The following F8 variants were observed in gnomAD, a reference collection of about 807,000 sequenced individuals.
F8 encodes coagulation factor VIII.
In F8, 12 loss-of-function variants were observed where a neutral mutation model predicts 140.6. The observed-to-expected ratio is 0.09, with a 90% CI of 0.05 to 0.14. The LOEUF (loss-of-function observed/expected upper bound fraction) is 0.14. F8 is among the 10% of genes least tolerant of loss of function. The pLI is 1.00. For synonymous variants in F8, 585 were observed against 614.6 expected (o/e 0.95, Z 0.71); for missense variants, 1,354 against 1,720.7 (o/e 0.79, Z 3.77).
chrX:154,949,503 G>A lies in F8; in HGVS notation c.1904-1596C>T, dbSNP rs995033881. Among the ~76,000 whole-genome samples the A allele has an allele frequency of 5.4e-5, 6 of 111,939 alleles. No homozygotes were observed. The Admixed American group carries it at 5.7e-4, about 11-fold the overall frequency. On this transcript the variant is annotated intron_variant, in intron 12 of 25. Coordinates refer to ENST00000360256, the MANE Select transcript of F8 (RefSeq NM_000132.4). ...TACATTTGTTGTATTTTTGCCTTTT[G>A]ACACTCCACATGGATTAAATAGTTA... is the stretch of plus-strand genomic sequence containing the variant.
intron 13 of F8, among the ~76,000 whole-genome samples, chrX:154,943,861 G>A (rs967664134): frequency 3.6e-5 from 4 of 111,071 alleles, no homozygotes; most frequent in Admixed American, 9.6e-5. Context: ...CAGAAATAAC[G>A]CCACGCATCT....
chrX:154,947,208 G>A (rs1301488066), intron 13 of F8, among the ~76,000 whole-genome samples: 5 of 81,115 alleles, frequency 6.2e-5, no homozygotes, highest in Non-Finnish European at 8.9e-5. Flanking sequence ...CTGGGCTACA[G>A]AGCGAGACTC....
intron 14 of F8, among the ~76,000 whole-genome samples, chrX:154,928,015 A>G (rs1244412417): frequency 8.9e-6 from 1 of 112,105 alleles, no homozygotes; most frequent in East Asian, 2.8e-4. Context: ...TTAGTTTTGT[A>G]CTAACTTGTC....
intron 1 of F8, among the ~76,000 whole-genome samples, chrX:155,007,629 C>T (rs115000043): frequency 0.092 from 10,292 of 112,032 alleles, 1,170 homozygotes; most frequent in African/African-American, 0.32. Flanking sequence ...TGGGCTCTGC[C>T]TCCTGTGAGA....
At chrX:155,005,268 A>T (rs782450478) in intron 1 of F8, among the ~76,000 whole-genome samples, 1 of 111,713 alleles carries the variant, frequency 9.0e-6, no homozygotes, top group Non-Finnish European at 1.9e-5. Context: ...ACATTACACA[A>T]TGGAGACAGA....
chrX:154,999,783 C>T (rs1478748534), intron 1 of F8, among the ~76,000 whole-genome samples, 183 bp from the exon 2 acceptor site: 1 of 112,371 alleles, frequency 8.9e-6, no homozygotes, highest in Non-Finnish European at 1.9e-5. Context: ...CATTAGGTGC[C>T]ATATGATAAG....
At chrX:154,870,158 A>T (rs187621713) in intron 22 of F8, among the ~76,000 whole-genome samples, 18 of 112,272 alleles carry the variant, frequency 1.6e-4, no homozygotes, top group South Asian at 3.7e-4. Flanking sequence ...ACTATTCCAA[A>T]CAATAGAAAA....
chrX:154,944,651 C>G (rs1202092247), intron 13 of F8, among the ~76,000 whole-genome samples: 1 of 110,806 alleles, frequency 9.0e-6, no homozygotes, highest in African/African-American at 3.3e-5. Context: ...ACCATTTGAC[C>G]CAGCCATCCC....
chrX:154,920,863 T>C (rs1936642), intron 14 of F8, among the ~76,000 whole-genome samples: 19,808 of 111,880 alleles, frequency 0.18, 1,486 homozygotes, highest in African/African-American at 0.28. Context: ...TTATCTTTTA[T>C]ACTAAAGATA....
chrX:154,974,325 T>C (rs1557282813), intron 6 of F8, among the ~76,000 whole-genome samples: 1 of 112,014 alleles, frequency 8.9e-6, no homozygotes, highest in African/African-American at 3.2e-5. Flanking sequence ...CTTCTATACT[T>C]TGTTGAGAGT....
rs1269626654 is a variant in F8, at chrX:154,928,965, T to C, written c.4825A>G (p.Thr1609Ala). The change falls in exon 14 of 26, where the codon ACA becomes GCA. Residue 1609 changes from threonine (T) to alanine (A), a missense_variant. Transcript: ENST00000360256. Reference sequence around the variant, plus strand: ...ATGGTATCCTTTTTCTTAAAAGCTGTTTTTTCTGGTGACTTCTCTTGGGAT... The same window carrying C: ...ATGGTATCCTTTTTCTTAAAAGCTGCTTTTTCTGGTGACTTCTCTTGGGAT... The part of the protein sequence containing the change: ...WKSQEKSPEK[T>A]AFKKKDTILS... The C allele has an allele frequency of 8.3e-7, 1 of 1,211,622 alleles. No individual in the cohort carries two copies. The highest frequency in any genetic ancestry group is 3.0e-5 in the East Asian group (1 of 33,856).
At position 154,836,401 on chromosome X, in the gene F8, G is replaced by A. The variant is rs782768864; in HGVS notation, c.*1196C>T. On this transcript the variant is annotated 3_prime_UTR_variant, in exon 26 of 26. Coordinates refer to ENST00000360256, the MANE Select transcript of F8 (RefSeq NM_000132.4). ...GTAAACCCTTCACAATCTTATGGGGGTGGAGGGCAAGAAGGGGGATCCTAT... is the reference window on the plus strand; with the variant it reads ...GTAAACCCTTCACAATCTTATGGGGATGGAGGGCAAGAAGGGGGATCCTAT... The A allele has an allele frequency of 2.7e-5, 3 of 111,314 alleles. No individual in the cohort carries two copies. The highest frequency in any genetic ancestry group is 5.6e-4 in the East Asian group (2 of 3,541). The allele number at this position is 111,314 out of a possible 1,213,427, so 9.2% of individuals were successfully genotyped here.
At chrX:154,896,424 AT>A (rs1195789082) in intron 21 of F8, among the ~76,000 whole-genome samples, 192 bp from the exon 22 acceptor site, 1 of 110,466 alleles carries the variant, frequency 9.1e-6, no homozygotes, top group Non-Finnish European at 1.9e-5. Context: ...CACAGTAGAA[AT>A]GAATGGAAAG....
At chrX:154,937,528 A>G (rs953147370) in intron 13 of F8, among the ~76,000 whole-genome samples, 7 of 110,785 alleles carry the variant, frequency 6.3e-5, no homozygotes, top group Non-Finnish European at 1.3e-4. Context: ...AAATAACAAT[A>G]TCAGGTATGA....
chrX:154,878,196 G>T (rs1557274180), intron 22 of F8, among the ~76,000 whole-genome samples: 1 of 110,470 alleles, frequency 9.1e-6, no homozygotes, highest in East Asian at 2.8e-4. Flanking sequence ...TATGCATCTA[G>T]GTGCAAAAAT....
Position 154,901,433 on chromosome X carries a change from G to T in F8, c.6125C>A (p.Thr2042Asn). The change falls in exon 20 of 26, where the codon ACT (threonine) becomes AAT (asparagine). Residue 2042 changes from threonine to asparagine, a missense_variant. Physicochemically the swap from Thr to Asn is moderately conservative, Grantham distance 65. This residue lies in a region of F8 where 316 missense variants were observed against 485.4 expected (regional missense o/e 0.65). Coordinates refer to ENST00000360256, the MANE Select transcript of F8 (RefSeq NM_000132.4). ...GTGTCCAGAAGCCATTCCCAGGGGA[G>T]TCTGACACTCTGAAATGAAACGGGT... is the stretch of plus-strand genomic sequence containing the variant. ...LFLVYSNKCQ[T>N]PLGMASGHIR... 1.7e-6 allele frequency: 2 copies of T among 1,183,148 alleles called. No homozygotes were observed. The highest frequency in any genetic ancestry group is 2.3e-6 in the Non-Finnish European group (2 of 869,161).
At chrX:154,940,712 G>T (rs2124069894) in intron 13 of F8, among the ~76,000 whole-genome samples, 1 of 111,726 alleles carries the variant, frequency 9.0e-6, no homozygotes, top group South Asian at 3.7e-4. Context: ...ACATATAATT[G>T]TCAGATTCAC....
chrX:155,015,028 A>G (rs1557286910), intron 1 of F8, among the ~76,000 whole-genome samples: 1 of 112,369 alleles, frequency 8.9e-6, no homozygotes, highest in East Asian at 2.7e-4. Context: ...GACTTACTAT[A>G]AAGTTACAAC....
intron 12 of F8, among the ~76,000 whole-genome samples, chrX:154,952,386 T>C (rs1489271390): frequency 3.6e-5 from 4 of 111,676 alleles, no homozygotes; most frequent in African/African-American, 9.8e-5. Flanking sequence ...AATATATCAC[T>C]ATTACTAGAA....
Sources: allele counts gnomAD v4.1 joint callset (sites outside exome capture counted in the v4.1 genomes callset), GRCh38; gene constraint gnomAD v4.1.1; regional missense constraint gnomAD v4.1.1; transcripts MANE v1.5; gene names NCBI Gene and HGNC (gene_info 2026-07-23, HGNC 2026-07-21).